Variants in ACSS2 observed in about 807,000 individuals in gnomAD.
The protein encoded by ACSS2 is acetyl-coenzyme A synthetase, cytoplasmic.
ACSS2 carries 58 observed loss-of-function variants against 90.6 expected under a neutral mutation model. That is an observed-to-expected ratio of 0.64 (90% CI 0.52 to 0.80). The LOEUF is 0.80. ACSS2 is among the 30% of genes least tolerant of loss of function. The probability of loss-of-function intolerance (pLI) is 0.00; values close to 1 mark genes in which losing one functional copy is unlikely to be tolerated. For synonymous variants in ACSS2, 300 were observed against 330.9 expected, an observed-to-expected ratio of 0.91 and a Z score of 1.01; for missense variants, 759 against 912.0, an observed-to-expected ratio of 0.83 and a Z score of 2.16.
At chr20:34,905,295 C>T (rs543712758) in intron 2 of ACSS2, among the ~76,000 whole-genome samples, 4 of 149,826 alleles carry the variant, frequency 2.7e-5, no homozygotes, top group Admixed American at 6.7e-5. Context: ...GAGTCTCGCT[C>T]GGTCGCCCAG....
intron 2 of ACSS2, among the ~76,000 whole-genome samples, chr20:34,897,052 A>T (rs996209758): frequency 5.9e-5 from 9 of 152,092 alleles, no homozygotes; most frequent in Admixed American, 1.3e-4. Context: ...AAAAAATAGA[A>T]AGAGGCAAGA....
intron 2 of ACSS2, among the ~76,000 whole-genome samples, chr20:34,901,452 C>G (rs1183934039): frequency 1.3e-5 from 2 of 152,130 alleles, no homozygotes; most frequent in African/African-American, 4.8e-5. Context: ...CTCCATCTAC[C>G]TCCTCCTTCA....
At position 34,876,749 on chromosome 20, in the gene ACSS2, T is replaced by C; in HGVS notation, c.104T>C (p.Val35Ala). 1 of 1,434,440 alleles carries C rather than the reference T, an allele frequency of 7.0e-7. No individual in the cohort carries two copies. Among genetic ancestry groups the C allele is most frequent in the Non-Finnish European group, 9.2e-7 (1 of 1,084,480 alleles). The allele number at this position is 1,434,440 out of a possible 1,614,324, so 88.9% of individuals were successfully genotyped here. A position where few individuals can be genotyped will look rare whatever the true frequency, so the allele number is the denominator to read the frequency against. Residue 35 changes from valine to alanine, a missense_variant, in exon 1 of 18, where the codon GTC becomes GCC. Coordinates refer to ENST00000360596, the MANE Select transcript of ACSS2 (RefSeq NM_018677.4). ...RARSWSPPPE[V>A]SRSAHVPSLQ... The stretch of plus-strand genomic sequence containing the variant: ...CGGAGTTGGTCTCCGCCGCCCGAGG[T>C]CAGCCGCTCCGCGCACGTCCCCTCG...
At chr20:34,880,757 T>A (rs1434345345) in intron 1 of ACSS2, among the ~76,000 whole-genome samples, 4 of 152,090 alleles carry the variant, frequency 2.6e-5, no homozygotes, top group African/African-American at 9.7e-5. Context: ...TGGGGTTGAT[T>A]TAATTTGGAT....
intron 2 of ACSS2, among the ~76,000 whole-genome samples, chr20:34,896,827 TGAGGTCAA>T (rs2080473495): frequency 2.0e-5 from 3 of 152,142 alleles, no homozygotes; most frequent in South Asian, 4.1e-4. Flanking sequence ...GCGGATCACT[TGAGGTCAA>T]GAGCCTGGCC....
intron 2 of ACSS2, among the ~76,000 whole-genome samples, chr20:34,897,212 A>C (rs2080485558): frequency 6.6e-6 from 1 of 152,210 alleles, no homozygotes; most frequent in Non-Finnish European, 1.5e-5. Flanking sequence ...TTTTTTATTG[A>C]GATATAATTT....
chr20:34,899,296 G>A (rs1443560504), intron 2 of ACSS2, among the ~76,000 whole-genome samples: 2 of 152,256 alleles, frequency 1.3e-5, no homozygotes, highest in African/African-American at 4.8e-5. Context: ...CCGCCAAAGT[G>A]GGAGCCCAGG....
intron 2 of ACSS2, among the ~76,000 whole-genome samples, chr20:34,887,457 T>A (rs2080224202): frequency 6.6e-6 from 1 of 152,232 alleles, no homozygotes; most frequent in Non-Finnish European, 1.5e-5. Context: ...CCAAATAGAT[T>A]GGCCGGGCAC....
At chr20:34,888,934 C>T (rs2080264922) in intron 2 of ACSS2, among the ~76,000 whole-genome samples, 1 of 151,718 alleles carries the variant, frequency 6.6e-6, no homozygotes, top group Non-Finnish European at 1.5e-5. Context: ...GATATTAGAT[C>T]ATGTCACATC....
At chr20:34,926,423 T>C (rs1354503650) in intron 16 of ACSS2, 142 bp downstream of exon 16, 2 of 735,624 alleles carry the variant, frequency 2.7e-6, no homozygotes, top group African/African-American at 1.8e-5. Context: ...GATTGCCCTC[T>C]TCCTGTTCAG....
intron 13 of ACSS2, 79 bp downstream of exon 13, chr20:34,921,945 C>T (rs1012147969): frequency 1.3e-4 from 198 of 1,537,890 alleles, no homozygotes; most frequent in Non-Finnish European, 1.5e-4. Flanking sequence ...GAGTTAATAA[C>T]CTAATCTCTC....
chr20:34,898,777 C>T (rs1444188337), intron 2 of ACSS2, among the ~76,000 whole-genome samples: 1 of 152,218 alleles, frequency 6.6e-6, no homozygotes, highest in Admixed American at 6.5e-5. Context: ...GTGGAGCTGC[C>T]TGCCAGTCCT....
Position 34,914,349 on chromosome 20 carries a change from T to C in ACSS2, c.746T>C (p.Val249Ala). The change falls in exon 7 of 18, where the codon GTG (valine) becomes GCG (alanine). Residue 249 changes from valine to alanine, a missense_variant. Physicochemically the swap from Val to Ala is moderately conservative, Grantham distance 64. Coordinates refer to ENST00000360596, the MANE Select transcript of ACSS2 (RefSeq NM_018677.4). ...EKGFPVRCCI[V>A]VKHLGRAELG... ...GGTTTCCCAGTAAGATGCTGCATTG[T>C]GGTCAAGCACCTGGGGCGGGCAGAG... 6.2e-7 allele frequency: 1 copy of C among 1,613,748 alleles called. No individual in the cohort carries two copies. The highest frequency in any genetic ancestry group is 1.1e-5 in the South Asian group (1 of 90,970).
chr20:34,884,779 C>T (rs1445207921), intron 2 of ACSS2, among the ~76,000 whole-genome samples: 1 of 152,202 alleles, frequency 6.6e-6, no homozygotes, highest in Non-Finnish European at 1.5e-5. Flanking sequence ...TCAAAGGAGG[C>T]CGGGCATGGT....
chr20:34,876,579 C>G, upstream of ACSS2: 5 of 1,283,498 alleles, frequency 3.9e-6, no homozygotes, highest in South Asian at 2.8e-5. Flanking sequence ...TCTAGTTCGG[C>G]CTGTTTTCTC....
At chr20:34,923,142 A>G in intron 13 of ACSS2, 181 bp from the exon 14 acceptor site, 1 of 558,518 alleles carries the variant, frequency 1.8e-6, no homozygotes, top group Admixed American at 3.0e-5. Context: ...AGAGGGGTAA[A>G]GTTACTTCTC....
At chr20:34,918,613 A>G (rs1309968444) in intron 7 of ACSS2, among the ~76,000 whole-genome samples, 2 of 152,072 alleles carry the variant, frequency 1.3e-5, no homozygotes, top group African/African-American at 4.8e-5. Context: ...GGGAAACCCT[A>G]TTGGTACCAG....
At chr20:34,878,147 C>T (rs1446715472) in intron 1 of ACSS2, among the ~76,000 whole-genome samples, 1 of 152,176 alleles carries the variant, frequency 6.6e-6, no homozygotes, top group Non-Finnish European at 1.5e-5. Flanking sequence ...GTTGCCCAGG[C>T]TGGTCTTGAA....
At chr20:34,910,850 A>T (rs1288195072) in intron 2 of ACSS2, among the ~76,000 whole-genome samples, 3 of 152,216 alleles carry the variant, frequency 2.0e-5, no homozygotes, top group East Asian at 3.9e-4. Flanking sequence ...TGAGACAGGG[A>T]CTCACTCTGT....
Sources: gnomAD v4.1 joint callset for allele counts (sites outside exome capture counted in the v4.1 genomes callset) on GRCh38, gnomAD v4.1.1 for gene constraint, MANE v1.5 for transcripts, NCBI Gene and HGNC (gene_info 2026-07-23, HGNC 2026-07-21) for gene names.